The following NFIB variants were observed in gnomAD, a reference collection of about 807,000 sequenced individuals.
NFIB encodes the protein nuclear factor I B.
NFIB carries 11 observed loss-of-function variants against 61.5 expected under a neutral mutation model. The ratio of observed to expected loss-of-function variants is 0.18; its 90% CI spans 0.11 to 0.30. NFIB has a LOEUF of 0.30. Ranked by LOEUF, NFIB falls within the 10% of genes least tolerant of loss-of-function variation. The pLI is 1.00. For missense variants in NFIB, 471 were observed against 608.9 expected, an observed-to-expected ratio of 0.77 and a Z score of 2.38; for synonymous variants, 260 against 216.5, an observed-to-expected ratio of 1.20 and a Z score of -1.76.
At chr9:14,261,038 C>A (rs747150688) in intron 2 of NFIB, among the ~76,000 whole-genome samples, 1 of 152,124 alleles carries the variant, frequency 6.6e-6, no homozygotes, top group Admixed American at 6.5e-5. Context: ...GAAAAGGGGC[C>A]GGGCACAGTG....
the NFIB span, among the ~76,000 whole-genome samples, chr9:14,414,998 C>G: frequency 6.6e-5 from 10 of 152,228 alleles, no homozygotes; most frequent in Non-Finnish European, 2.9e-5. Context: ...TATTTATTAT[C>G]TCACAGTTTC....
At chr9:14,437,300 A>C in the NFIB span, among the ~76,000 whole-genome samples, 3 of 152,206 alleles carry the variant, frequency 2.0e-5, no homozygotes, top group African/African-American at 7.2e-5. Context: ...GTTATCTTTT[A>C]TGTGTTTTCT....
At chr9:14,358,025 CAG>C (rs1174061937) in intron 1 of NFIB, 1 of 152,050 alleles carries the variant, frequency 6.6e-6, no homozygotes, top group African/African-American at 2.4e-5. Context: ...CAAAGTGGTG[CAG>C]AGTTTCTTTT....
At chr9:14,490,604 A>T in the NFIB span, among the ~76,000 whole-genome samples, 2 of 152,120 alleles carry the variant, frequency 1.3e-5, no homozygotes, top group African/African-American at 2.4e-5. Context: ...ACAACTCAAT[A>T]AAAAAAGACA....
chr9:14,327,569 T>C (rs1320800283), intron 1 of NFIB, among the ~76,000 whole-genome samples: 1 of 152,190 alleles, frequency 6.6e-6, no homozygotes, highest in Non-Finnish European at 1.5e-5. Context: ...ATTCGTGATA[T>C]GAAGGCCTTC....
the NFIB span, among the ~76,000 whole-genome samples, chr9:14,476,197 G>T: frequency 6.7e-6 from 1 of 149,430 alleles, no homozygotes; most frequent in African/African-American, 2.5e-5. Flanking sequence ...TGATTGATTT[G>T]CAAATGACAA....
intron 1 of NFIB, among the ~76,000 whole-genome samples, chr9:14,338,169 C>T (rs1384555449): frequency 2.0e-5 from 3 of 152,034 alleles, no homozygotes; most frequent in Admixed American, 1.3e-4. Flanking sequence ...CCGAGGCAGG[C>T]GGATCACAAG....
At chr9:14,370,029 C>T (rs2061341311) in intron 1 of NFIB, among the ~76,000 whole-genome samples, 1 of 152,200 alleles carries the variant, frequency 6.6e-6, no homozygotes, top group South Asian at 2.1e-4. Context: ...CTGTCACTCA[C>T]CTTGTATGTT....
intron 2 of NFIB, among the ~76,000 whole-genome samples, chr9:14,301,123 G>T (rs1466715898): frequency 6.6e-6 from 1 of 152,104 alleles, no homozygotes; most frequent in African/African-American, 2.4e-5. Context: ...TAACTTTAAA[G>T]AACTAAAGCT....
intron 5 of NFIB, among the ~76,000 whole-genome samples, chr9:14,148,414 A>G (rs1300753007): frequency 6.6e-6 from 1 of 152,116 alleles, no homozygotes; most frequent in Non-Finnish European, 1.5e-5. Context: ...GTGCCCAGTG[A>G]ATATTTTTTC....
intron 2 of NFIB, among the ~76,000 whole-genome samples, chr9:14,243,170 C>A (rs1308908188): frequency 6.6e-6 from 1 of 152,136 alleles, no homozygotes; most frequent in Non-Finnish European, 1.5e-5. Flanking sequence ...CATTCCTTCC[C>A]TCCCTCCTTA....
At chr9:14,398,647 C>G in exon 1 of NFIB, 1 of 1,507,028 alleles carries the variant, frequency 6.6e-7, no homozygotes, top group Non-Finnish European at 8.9e-7. Flanking sequence ...GAACGGATTC[C>G]CGACAAGAAG....
At chr9:14,473,248 T>C in the NFIB span, among the ~76,000 whole-genome samples, 5 of 152,322 alleles carry the variant, frequency 3.3e-5, no homozygotes, top group East Asian at 9.6e-4. Context: ...ATAGTAAATG[T>C]TATACATACA....
At chr9:14,460,257 C>T in the NFIB span, among the ~76,000 whole-genome samples, 1 of 151,714 alleles carries the variant, frequency 6.6e-6, no homozygotes, top group Non-Finnish European at 1.5e-5. Context: ...TCTCAGCAAA[C>T]TATAGCAAGG....
At chr9:14,107,439 T>C (rs2036730862) in intron 10 of NFIB, among the ~76,000 whole-genome samples, 1 of 152,086 alleles carries the variant, frequency 6.6e-6, no homozygotes, top group Non-Finnish European at 1.5e-5. Flanking sequence ...AGAAGTAGAA[T>C]TAACTTAAAT....
At chr9:14,461,850 A>T in the NFIB span, among the ~76,000 whole-genome samples, 1 of 152,240 alleles carries the variant, frequency 6.6e-6, no homozygotes, top group Non-Finnish European at 1.5e-5. Flanking sequence ...AGGTAAAAAG[A>T]TGTATTAATG....
At chr9:14,113,303 A>C (rs1016794661) in intron 9 of NFIB, among the ~76,000 whole-genome samples, 2 of 152,234 alleles carry the variant, frequency 1.3e-5, no homozygotes, top group Non-Finnish European at 2.9e-5. Flanking sequence ...TATCCAGTAA[A>C]GCAGATCTCA....
intron 2 of NFIB, among the ~76,000 whole-genome samples, chr9:14,279,552 G>A (rs549119561): frequency 3.3e-5 from 5 of 152,280 alleles, no homozygotes; most frequent in African/African-American, 9.6e-5. Context: ...AACAGAGATC[G>A]ATATAATTTA....
Position 14,313,245 on chromosome 9 carries a change from CG to C in NFIB, c.30+236del, listed in dbSNP as rs2060372356. 1.3e-5 allele frequency among the ~76,000 whole-genome samples: 2 copies of C among 151,536 alleles called. No individual in the cohort carries two copies. The highest frequency in any genetic ancestry group is 4.8e-5 in the African/African-American group (2 of 41,366). ...CTGCCCACCCCCCGGCGGCCTTGCC[CG>C]GCCCAGCGCCCGCGCTCCGTGCCCA... On this transcript the variant is annotated intron_variant, in intron 1 of 10. Coordinates refer to ENST00000380953, the MANE Select transcript of NFIB (RefSeq NM_001190737.2). This position sits in a 1 kb window ranked among gnomAD's most constrained non-coding sequence, Gnocchi z 4.5.
Sources: gnomAD v4.1 joint callset for allele counts (sites outside exome capture counted in the v4.1 genomes callset) on GRCh38, gnomAD v4.1.1 for gene constraint, Gnocchi (gnomAD v3.1) non-coding constraint, MANE v1.5 for transcripts, NCBI Gene and HGNC (gene_info 2026-07-23, HGNC 2026-07-21) for gene names.